The following PDE4B variants were observed in gnomAD, a reference collection of about 807,000 sequenced individuals.
PDE4B encodes 3',5'-cyclic-AMP phosphodiesterase 4B.
A neutral mutation model predicts 82.2 loss-of-function variants in PDE4B; 20 were observed. The ratio of observed to expected loss-of-function variants is 0.24; its 90% CI spans 0.17 to 0.35. The LOEUF (loss-of-function observed/expected upper bound fraction) is 0.35, where lower values mean the gene tolerates loss of function less well. Among genes scored for constraint, PDE4B ranks in the 10% least tolerant of loss-of-function variants. The pLI is 1.00. For missense variants in PDE4B, 655 were observed against 907.2 expected, an observed-to-expected ratio of 0.72 and a Z score of 3.57; for synonymous variants, 320 against 318.9, an observed-to-expected ratio of 1.00 and a Z score of -0.04.
chr1:66,345,168 C>G (rs1258275038), intron 8 of PDE4B, among the ~76,000 whole-genome samples: 1 of 151,226 alleles, frequency 6.6e-6, no homozygotes, highest in African/African-American at 2.4e-5. Flanking sequence ...CCTTTACCTA[C>G]TAAATGTCAA....
intron 3 of PDE4B, among the ~76,000 whole-genome samples, chr1:66,130,845 T>C (rs1645926099): frequency 6.6e-6 from 1 of 152,208 alleles, no homozygotes. Flanking sequence ...GGTGTGTTGT[T>C]CCTAAAACCA....
intron 1 of PDE4B, among the ~76,000 whole-genome samples, chr1:65,833,576 T>TCTAA (rs1646106680): frequency 6.6e-6 from 1 of 152,232 alleles, no homozygotes; most frequent in Non-Finnish European, 1.5e-5. Context: ...ACTAGGCAGA[T>TCTAA]GTAGTGATAG....
chr1:65,830,471 C>T (rs1236177767), intron 1 of PDE4B, among the ~76,000 whole-genome samples: 1 of 152,138 alleles, frequency 6.6e-6, no homozygotes, highest in Non-Finnish European at 1.5e-5. Flanking sequence ...CCAAGGTTAA[C>T]ATCACCAGTG....
intron 7 of PDE4B, among the ~76,000 whole-genome samples, chr1:66,278,917 G>A (rs192671124): frequency 6.6e-6 from 1 of 152,028 alleles, no homozygotes; most frequent in Non-Finnish European, 1.5e-5. Flanking sequence ...TATATCCCAG[G>A]GGAAAATAAG....
chr1:65,817,925 G>A (rs1645904829), intron 1 of PDE4B, among the ~76,000 whole-genome samples: 1 of 151,980 alleles, frequency 6.6e-6, no homozygotes, highest in Non-Finnish European at 1.5e-5. Flanking sequence ...TAACACCTCA[G>A]GAAAATGTTT....
At chr1:66,104,181 A>G (rs1487252856) in intron 3 of PDE4B, among the ~76,000 whole-genome samples, 1 of 149,890 alleles carries the variant, frequency 6.7e-6, no homozygotes, top group Non-Finnish European at 1.5e-5. Context: ...GAGTGAGAAT[A>G]TATGGTGTTT....
chr1:66,196,229 C>A (rs557777561), intron 3 of PDE4B, among the ~76,000 whole-genome samples: 2 of 152,202 alleles, frequency 1.3e-5, no homozygotes, highest in Non-Finnish European at 2.9e-5. Context: ...ACTGGCGGCC[C>A]TGGGTTTAGG....
chr1:66,210,756 C>G (rs1649980333), intron 3 of PDE4B, among the ~76,000 whole-genome samples: 1 of 151,900 alleles, frequency 6.6e-6, no homozygotes, highest in African/African-American at 2.4e-5. Flanking sequence ...TAGGCAGCTG[C>G]CAGGTCCACA....
chr1:65,871,640 A>G (rs1388665572), intron 1 of PDE4B, among the ~76,000 whole-genome samples: 6 of 152,230 alleles, frequency 3.9e-5, no homozygotes. Flanking sequence ...AGAAGACTTC[A>G]GTTGCCTGAA....
intron 3 of PDE4B, among the ~76,000 whole-genome samples, chr1:65,924,491 G>T (rs1198589659): frequency 6.6e-6 from 1 of 151,712 alleles, no homozygotes; most frequent in African/African-American, 2.4e-5. Context: ...AAATACACTA[G>T]ATAATGTTAT....
intron 1 of PDE4B, among the ~76,000 whole-genome samples, chr1:65,892,559 C>G (rs1937447): frequency 0.2 from 31,120 of 151,980 alleles, 3,409 homozygotes; most frequent in Non-Finnish European, 0.25. Flanking sequence ...CTTAGCTTCT[C>G]TCCACTTAAA....
At chr1:66,081,215 AGGCATCTAACATT>A (rs1656703968) in intron 3 of PDE4B, among the ~76,000 whole-genome samples, 1 of 152,118 alleles carries the variant, frequency 6.6e-6, no homozygotes, top group Non-Finnish European at 1.5e-5. Flanking sequence ...ATAAGAGATA[AGGCATCTAACATT>A]GGCATCAATT....
chr1:66,106,894 G>T lies in PDE4B; in HGVS notation c.282-140566G>T, dbSNP rs969464826. On this transcript the variant is annotated intron_variant, in intron 3 of 16. Coordinates refer to ENST00000341517, the MANE Select transcript of PDE4B (RefSeq NM_002600.4). ...TTGATCCTTTCAAAAAACCAGCTCC[G>T]GGATTCATTAATTTTTTGAAGGGTT... Among the ~76,000 whole-genome samples the T allele has an allele frequency of 4.4e-4, 54 of 123,924 alleles. 2 individuals are homozygous for T. Among genetic ancestry groups the T allele is most frequent in the African/African-American group, 7.1e-4 (26 of 36,382 alleles). 81.3% of individuals were successfully genotyped at this position (123,924 alleles called of 152,430 possible).
chr1:66,150,448 G>C (rs556657562), intron 3 of PDE4B, among the ~76,000 whole-genome samples: 16 of 152,222 alleles, frequency 1.1e-4, no homozygotes, highest in African/African-American at 3.6e-4. Flanking sequence ...GATTCCTTAG[G>C]ATTTTCTATT....
At chr1:65,953,270 G>A (rs989067756) in intron 3 of PDE4B, among the ~76,000 whole-genome samples, 2 of 152,098 alleles carry the variant, frequency 1.3e-5, no homozygotes, top group Non-Finnish European at 2.9e-5. Flanking sequence ...AATTTACAGA[G>A]CAAGCTGAAA....
intron 3 of PDE4B, among the ~76,000 whole-genome samples, chr1:66,129,318 G>A (rs992286583): frequency 2.6e-5 from 4 of 152,180 alleles, no homozygotes; most frequent in African/African-American, 9.7e-5. Flanking sequence ...AAAATTAGAA[G>A]TCATAGCTCT....
chr1:66,130,435 A>G (rs1282794162), intron 3 of PDE4B, among the ~76,000 whole-genome samples: 6 of 152,202 alleles, frequency 3.9e-5, no homozygotes, highest in South Asian at 2.1e-4. Context: ...ATCTCATTTG[A>G]AATCACATGA....
intron 3 of PDE4B, among the ~76,000 whole-genome samples, chr1:66,166,035 GAC>G (rs1387857121): frequency 1.5e-4 from 23 of 151,958 alleles, no homozygotes; most frequent in African/African-American, 5.6e-4. Flanking sequence ...ACATAAGGTA[GAC>G]ATATACAGAT....
At chr1:66,343,223 G>A (rs1661147989) in intron 8 of PDE4B, among the ~76,000 whole-genome samples, 1 of 152,148 alleles carries the variant, frequency 6.6e-6, no homozygotes, top group Non-Finnish European at 1.5e-5. Context: ...GATTAAAACA[G>A]TGGACTTCCA....
Sources: gnomAD v4.1 joint callset for allele counts (sites outside exome capture counted in the v4.1 genomes callset) on GRCh38, gnomAD v4.1.1 for gene constraint, MANE v1.5 for transcripts, NCBI Gene and HGNC (gene_info 2026-07-23, HGNC 2026-07-21) for gene names.